RPRD1B: variants seen among roughly 807,000 people sequenced by gnomAD.
RPRD1B encodes the protein regulation of nuclear pre-mRNA domain containing 1B, also known as regulation of nuclear pre-mRNA domain-containing protein 1B.
Under a neutral mutation model 41.5 loss-of-function variants are expected in RPRD1B, and 11 were observed. That is an observed-to-expected ratio of 0.27 (90% confidence interval 0.17 to 0.44). The LOEUF (loss-of-function observed/expected upper bound fraction) is 0.44. Among genes scored for constraint, RPRD1B ranks in the 20% least tolerant of loss-of-function variants. RPRD1B has a pLI of 1.00. For synonymous variants in RPRD1B, 158 were observed against 155.6 expected (o/e 1.02, Z -0.12); for missense variants, 248 against 389.9 (o/e 0.64, Z 3.06).
At chr20:38,049,367 CTTTTTTTTTTTTTT>C (rs11481142) in intron 3 of RPRD1B, among the ~76,000 whole-genome samples, 1 of 93,418 alleles carries the variant, frequency 1.1e-5, no homozygotes, top group African/African-American at 4.4e-5. Context: ...TTCTTTTTTT[CTTTTTTTTTTTTTT>C]TTTTTTTGAG....
intron 6 of RPRD1B, 143 bp from the exon 7 acceptor site, chr20:38,089,583 C>A: frequency 1.6e-6 from 1 of 631,868 alleles, no homozygotes; most frequent in Non-Finnish European, 2.7e-6. Context: ...GAAGCCCTAG[C>A]TTTGTGATAT....
intron 6 of RPRD1B, among the ~76,000 whole-genome samples, chr20:38,084,532 A>G (rs1327112860): frequency 6.6e-6 from 1 of 152,196 alleles, no homozygotes; most frequent in Admixed American, 6.5e-5. Flanking sequence ...AGGTCATTGC[A>G]ATGCCAGCCC....
rs145881909 is a variant in RPRD1B at position 38,067,973 on chromosome 20, T to C, written c.831+1717T>C. ...TTGGGTAGAACGTGGCAAGCAACCA[T>C]AGAGGACAGAGTCTTTGAGGAGATC... On this transcript the variant is annotated intron_variant, in intron 6 of 6. Transcript: ENST00000373433. Among the ~76,000 whole-genome samples, 107 of 152,364 alleles carry C rather than the reference T, an allele frequency of 7.0e-4. 1 individual carries two copies. The East Asian group carries it at 0.019, about 27-fold the overall frequency.
chr20:38,045,805 T>C (rs533275202), intron 2 of RPRD1B, among the ~76,000 whole-genome samples: 1 of 152,376 alleles, frequency 6.6e-6, no homozygotes, highest in East Asian at 1.9e-4. Flanking sequence ...ATGCTAAAAG[T>C]ACCAGCTAGT....
intron 6 of RPRD1B, among the ~76,000 whole-genome samples, chr20:38,073,500 G>A (rs978373178): frequency 2.0e-5 from 3 of 152,192 alleles, no homozygotes; most frequent in African/African-American, 4.8e-5. Context: ...CTGTTTGATT[G>A]TGGTTATAAC....
Position 38,091,939 on chromosome 20 carries a change from G to C in RPRD1B, c.*2064G>C. Reference sequence around the variant, plus strand: ...GTTGGCCTCTTAATACCTGTTACTAGTGGACTTCCTGTGAGGAAGTTAGTT... The same window carrying C: ...GTTGGCCTCTTAATACCTGTTACTACTGGACTTCCTGTGAGGAAGTTAGTT... On this transcript the variant is annotated 3_prime_UTR_variant, in exon 7 of 7. Transcript: ENST00000373433. 1.0e-6 allele frequency: 1 copy of C among 985,852 alleles called. No homozygotes were observed. The allele number at this position is 985,852 out of a possible 1,614,324, so 61.1% of individuals were successfully genotyped here.
chr20:38,056,112 C>CA (rs1555800477), intron 3 of RPRD1B, among the ~76,000 whole-genome samples: 1 of 152,116 alleles, frequency 6.6e-6, no homozygotes, highest in Non-Finnish European at 1.5e-5. Flanking sequence ...CTTGGCCAGG[C>CA]GTGATGGCTC....
intron 6 of RPRD1B, chr20:38,070,773 T>C: frequency 1.0e-6 from 1 of 954,004 alleles, no homozygotes; most frequent in Non-Finnish European, 1.2e-6. Context: ...AGACTCTTGC[T>C]CTGTTGCCCA....
In RPRD1B at chr20:38,033,911, C is replaced by T; in HGVS notation, c.-37C>T. On this transcript the variant is annotated 5_prime_UTR_variant, in exon 1 of 7. Coordinates refer to ENST00000373433, the MANE Select transcript of RPRD1B (RefSeq NM_021215.4). ...TCGCTCTTCCCGCCGCACTGGGCGG[C>T]CCAGGCCGCTCCCTGCCGGGCCTCA... The T allele has an allele frequency of 3.2e-6, 5 of 1,581,034 alleles. No homozygotes were observed. The highest frequency in any genetic ancestry group is 4.3e-6 in the Non-Finnish European group (5 of 1,162,890).
intron 5 of RPRD1B, among the ~76,000 whole-genome samples, chr20:38,060,708 G>T (rs984674222): frequency 6.6e-6 from 1 of 152,110 alleles, no homozygotes; most frequent in African/African-American, 2.4e-5. Flanking sequence ...TGTGAGTCAC[G>T]CAAGAAGCAT....
intron 5 of RPRD1B, among the ~76,000 whole-genome samples, chr20:38,064,915 G>A (rs1025815986): frequency 6.6e-6 from 1 of 152,034 alleles, no homozygotes; most frequent in Non-Finnish European, 1.5e-5. Flanking sequence ...GAACCTGGGA[G>A]GCGGAGCTTG....
In RPRD1B at chr20:38,090,777, C is replaced by CT; in HGVS notation, c.*905dup. On this transcript the variant is annotated 3_prime_UTR_variant, in exon 7 of 7. Transcript: ENST00000373433. ...GATCTGTGTGGGTGTTTCTTGGACC[C>CT]TTTCTTCTGGGAGTAGGGTACACAC... The CT allele has an allele frequency of 1.0e-6, 1 of 985,402 alleles. No homozygotes were observed. Among genetic ancestry groups the CT allele is most frequent in the Non-Finnish European group, 1.2e-6 (1 of 829,914 alleles). The allele number at this position is 985,402 out of a possible 1,614,324, so 61.0% of individuals were successfully genotyped here.
At chr20:38,082,679 G>A (rs908884952) in intron 6 of RPRD1B, among the ~76,000 whole-genome samples, 6 of 152,262 alleles carry the variant, frequency 3.9e-5, no homozygotes, top group Admixed American at 1.3e-4. Context: ...GAGCCACCAC[G>A]CCCGGCCTGA....
In RPRD1B at chr20:38,067,747, G is replaced by A. The variant is rs1720763343; in HGVS notation, c.831+1491G>A. Among the ~76,000 whole-genome samples, 3 of 152,328 alleles carry A rather than the reference G, an allele frequency of 2.0e-5. No individual in the cohort carries two copies. The South Asian group carries it at 6.2e-4, about 32-fold the overall frequency. ...CAGAGATCCTAAAGGGAGTTTTACA[G>A]GCAGTACCAGACGGTCATTTATCTG... On this transcript the variant is annotated intron_variant, in intron 6 of 6. Transcript: ENST00000373433.
chr20:38,091,435 T>G lies in RPRD1B; in HGVS notation c.*1560T>G, dbSNP rs2074610892. 1 of 985,320 alleles carries G rather than the reference T, an allele frequency of 1.0e-6. No individual in the cohort carries two copies. Among genetic ancestry groups the G allele is most frequent in the South Asian group, 4.7e-5 (1 of 21,286 alleles). The allele number at this position is 985,320 out of a possible 1,614,324, so 61.0% of individuals were successfully genotyped here. A position where few individuals can be genotyped will look rare whatever the true frequency, so the allele number is the denominator to read the frequency against. On this transcript the variant is annotated 3_prime_UTR_variant, in exon 7 of 7. Coordinates refer to ENST00000373433, the MANE Select transcript of RPRD1B (RefSeq NM_021215.4). ...ATAGCAGATACTCAGTTTAACTCTGTGTAGAACCTAGTAGTGTTTGAGCTG... is the reference window on the plus strand; with the variant it reads ...ATAGCAGATACTCAGTTTAACTCTGGGTAGAACCTAGTAGTGTTTGAGCTG...
At chr20:38,083,989 A>G (rs1010866020) in intron 6 of RPRD1B, 1 of 151,862 alleles carries the variant, frequency 6.6e-6, no homozygotes, top group Non-Finnish European at 1.5e-5. Flanking sequence ...TTAAAATGGC[A>G]CTCTTATTTT....
chr20:38,051,830 C>CA (rs1172331724), intron 3 of RPRD1B, among the ~76,000 whole-genome samples: 3 of 151,984 alleles, frequency 2.0e-5, no homozygotes, highest in African/African-American at 7.3e-5. Context: ...CGGCTCACCG[C>CA]AACCTCTGCC....
intron 6 of RPRD1B, among the ~76,000 whole-genome samples, chr20:38,071,998 G>A (rs2074417246): frequency 6.6e-6 from 1 of 152,058 alleles, no homozygotes; most frequent in African/African-American, 2.4e-5. Flanking sequence ...ATCCTTTGAT[G>A]TGCAAAAGTT....
At chr20:38,086,987 C>T (rs2074567367) in intron 6 of RPRD1B, among the ~76,000 whole-genome samples, 1 of 151,560 alleles carries the variant, frequency 6.6e-6, no homozygotes, top group Non-Finnish European at 1.5e-5. Flanking sequence ...CACGGAATTT[C>T]ACTCTGTTGC....
Sources: gnomAD v4.1 joint callset for allele counts (sites outside exome capture counted in the v4.1 genomes callset) on GRCh38, gnomAD v4.1.1 for gene constraint, MANE v1.5 for transcripts, NCBI Gene and HGNC (gene_info 2026-07-23, HGNC 2026-07-21) for gene names.